The following RANBP2 variants were observed in gnomAD, a reference collection of about 807,000 sequenced individuals.
The protein encoded by RANBP2 is E3 SUMO-protein ligase RanBP2.
Under a neutral mutation model 303.6 loss-of-function variants are expected in RANBP2, and 57 were observed. That is an observed-to-expected ratio of 0.19 (90% confidence interval 0.15 to 0.23). RANBP2 has a LOEUF of 0.23. Among genes scored for constraint, RANBP2 ranks in the 10% least tolerant of loss-of-function variants. RANBP2 has a pLI of 1.00. For missense variants in RANBP2, 3,138 were observed against 3,780.8 expected (o/e 0.83, Z 4.46); for synonymous variants, 1,167 against 1,301.5 (o/e 0.90, Z 2.23).
chr2:109,342,429 C>G, the RANBP2 span, among the ~76,000 whole-genome samples: 1 of 152,214 alleles, frequency 6.6e-6, no homozygotes, highest in African/African-American at 2.4e-5. Flanking sequence ...GTGAGCAAAA[C>G]AGGCGAGAAT....
the RANBP2 span, among the ~76,000 whole-genome samples, chr2:109,091,598 T>G: frequency 3.3e-5 from 5 of 152,166 alleles, no homozygotes; most frequent in Non-Finnish European, 7.3e-5. Context: ...ATTGGGCAGT[T>G]AACAAATTTG....
chr2:108,976,147 T>C, the RANBP2 span, among the ~76,000 whole-genome samples: 4 of 152,306 alleles, frequency 2.6e-5, no homozygotes, highest in Middle Eastern at 3.4e-3. Flanking sequence ...CAGGATCCCA[T>C]CCAGGATCCC....
the RANBP2 span, among the ~76,000 whole-genome samples, chr2:109,650,654 G>A: frequency 8.8e-3 from 1,347 of 152,204 alleles, 23 homozygotes; most frequent in African/African-American, 0.03. Flanking sequence ...AATCATGGGC[G>A]GAGCTTCCTC....
At chr2:109,764,798 A>G in the RANBP2 span, among the ~76,000 whole-genome samples, 2 of 124,524 alleles carry the variant, frequency 1.6e-5, no homozygotes, top group Non-Finnish European at 3.2e-5. Flanking sequence ...AAGGGCTTTC[A>G]TGGTGTCTCT....
At chr2:109,682,908 T>C in the RANBP2 span, among the ~76,000 whole-genome samples, 1 of 152,204 alleles carries the variant, frequency 6.6e-6, no homozygotes, top group Non-Finnish European at 1.5e-5. Context: ...GACCATTGTA[T>C]GTTCTTCAAG....
At chr2:109,603,213 A>G in the RANBP2 span, among the ~76,000 whole-genome samples, 1 of 152,050 alleles carries the variant, frequency 6.6e-6, no homozygotes, top group Non-Finnish European at 1.5e-5. Flanking sequence ...AAATGTACAT[A>G]ATGTTATTAT....
chr2:109,720,730 TG>T, the RANBP2 span, among the ~76,000 whole-genome samples: 1 of 152,204 alleles, frequency 6.6e-6, no homozygotes, highest in African/African-American at 2.4e-5. Flanking sequence ...AGTTTTCACA[TG>T]TGTAAATAAC....
the RANBP2 span, among the ~76,000 whole-genome samples, chr2:109,446,389 G>A: frequency 3.3e-5 from 5 of 152,228 alleles, no homozygotes. Flanking sequence ...ACCTCATGGA[G>A]CTCCGTTGCA....
the RANBP2 span, among the ~76,000 whole-genome samples, chr2:108,965,464 CAAA>C: frequency 7.3e-6 from 1 of 137,388 alleles, no homozygotes; most frequent in Admixed American, 7.3e-5. Flanking sequence ...GATTTCGTCT[CAAA>C]AAAAAAAAAA....
the RANBP2 span, among the ~76,000 whole-genome samples, chr2:109,306,164 G>A: frequency 3.3e-5 from 5 of 152,232 alleles, no homozygotes; most frequent in African/African-American, 9.6e-5. Flanking sequence ...GTCGCTTATA[G>A]AGAAAATCCA....
the RANBP2 span, among the ~76,000 whole-genome samples, chr2:109,327,990 A>G: frequency 1.3e-5 from 2 of 152,272 alleles, no homozygotes; most frequent in African/African-American, 4.8e-5. Flanking sequence ...GCAGCTGTCA[A>G]CATGGTGCCA....
At chr2:108,891,488 T>C in the RANBP2 span, among the ~76,000 whole-genome samples, 1 of 152,188 alleles carries the variant, frequency 6.6e-6, no homozygotes, top group Non-Finnish European at 1.5e-5. Flanking sequence ...AAGTTATTAG[T>C]GGAGGCTGTG....
At chr2:109,430,136 G>A in the RANBP2 span, among the ~76,000 whole-genome samples, 14 of 152,310 alleles carry the variant, frequency 9.2e-5, no homozygotes, top group Middle Eastern at 3.4e-3. Flanking sequence ...AGGCAGCCCC[G>A]GACCCCAGAA....
the RANBP2 span, among the ~76,000 whole-genome samples, chr2:108,942,874 T>TTTG: frequency 2.6e-5 from 4 of 152,138 alleles, no homozygotes; most frequent in Non-Finnish European, 5.9e-5. Flanking sequence ...CGGGTAGGAT[T>TTTG]TTTGTTTGTT....
the RANBP2 span, among the ~76,000 whole-genome samples, chr2:108,947,273 C>G: frequency 1.3e-5 from 2 of 152,230 alleles, no homozygotes; most frequent in Admixed American, 6.5e-5. Flanking sequence ...CTCTGTGGCT[C>G]TGCAGGGTAC....
At chr2:109,260,663 G>A in the RANBP2 span, among the ~76,000 whole-genome samples, 2 of 152,150 alleles carry the variant, frequency 1.3e-5, no homozygotes, top group Non-Finnish European at 2.9e-5. Context: ...AGGGCCAATG[G>A]AGGCCCATGG....
the RANBP2 span, among the ~76,000 whole-genome samples, chr2:109,735,498 T>C: frequency 6.6e-6 from 1 of 151,506 alleles, no homozygotes; most frequent in Non-Finnish European, 1.5e-5. Context: ...CTCTCTCTCT[T>C]TTTCTTTTTT....
the RANBP2 span, among the ~76,000 whole-genome samples, chr2:109,537,899 G>A: frequency 6.6e-6 from 1 of 152,098 alleles, no homozygotes; most frequent in Non-Finnish European, 1.5e-5. Flanking sequence ...AGTGAGCCAC[G>A]ATTGTGCCAC....
chr2:109,347,840 A>C, the RANBP2 span: 1 of 1,613,946 alleles, frequency 6.2e-7, no homozygotes, highest in Non-Finnish European at 8.5e-7. Context: ...CCAGCCAGCT[A>C]TATCCAGTGC....
Sources: allele counts gnomAD v4.1 joint callset (sites outside exome capture counted in the v4.1 genomes callset), GRCh38; gene constraint gnomAD v4.1.1; transcripts MANE v1.5; gene names NCBI Gene and HGNC (gene_info 2026-07-23, HGNC 2026-07-21).